SOX5: variants seen among roughly 807,000 people sequenced by gnomAD.
The protein encoded by SOX5 is transcription factor SOX-5.
In SOX5, 9 loss-of-function variants were observed where a neutral mutation model predicts 92.0. The observed-to-expected ratio is 0.10, with a 90% confidence interval of 0.06 to 0.17. The LOEUF (loss-of-function observed/expected upper bound fraction) is 0.17, where lower values mean the gene tolerates loss of function less well. SOX5 is among the 10% of genes least tolerant of loss of function. SOX5 has a pLI of 1.00. For synonymous variants in SOX5, 344 were observed against 336.3 expected (o/e 1.02, Z -0.25); for missense variants, 642 against 944.5 (o/e 0.68, Z 4.20).
At chr12:23,656,547 A>C (rs1265369308) in intron 7 of SOX5, among the ~76,000 whole-genome samples, 1 of 152,084 alleles carries the variant, frequency 6.6e-6, no homozygotes, top group Admixed American at 6.6e-5. Flanking sequence ...ATCCATCATA[A>C]GGAAATATAG....
intron 2 of SOX5, among the ~76,000 whole-genome samples, chr12:24,321,003 A>G (rs1595552144): frequency 6.6e-6 from 1 of 152,196 alleles, no homozygotes; most frequent in African/African-American, 2.4e-5. Context: ...ATAGAGTAGC[A>G]TCTGTAGGTT....
At chr12:24,046,762 C>T (rs193171414) in intron 4 of SOX5, among the ~76,000 whole-genome samples, 11 of 149,070 alleles carry the variant, frequency 7.4e-5, no homozygotes, top group African/African-American at 2.7e-4. Context: ...TCACTGCAAC[C>T]GCTGCCTCCT....
chr12:24,506,775 C>T (rs1249482414), intron 1 of SOX5, among the ~76,000 whole-genome samples: 1 of 129,620 alleles, frequency 7.7e-6, no homozygotes, highest in Non-Finnish European at 1.7e-5. Context: ...TTCATGGTAT[C>T]CAAATGGTCT....
upstream of SOX5, among the ~76,000 whole-genome samples, chr12:23,953,050 T>C (rs2139894257): frequency 6.6e-6 from 1 of 152,292 alleles, no homozygotes; most frequent in South Asian, 2.1e-4. Flanking sequence ...AAAGCTGTCA[T>C]TAAGCTAATA....
At position 24,055,822 on chromosome 12, in the gene SOX5, T is replaced by G. The variant is rs530868665; in HGVS notation, c.-2+157521A>C. ...ATGACACCTAGGAGTTACCATGGTT[T>G]ATTTAACAGAGTGAAAGGTAAAACC... On this transcript the variant is annotated intron_variant, in intron 4 of 4. Transcript: ENST00000446891. 2.0e-5 allele frequency among the ~76,000 whole-genome samples: 3 copies of G among 152,352 alleles called. No individual in the cohort carries two copies. In the South Asian group the frequency reaches 6.2e-4, roughly 32 times the overall value.
intron 1 of SOX5, among the ~76,000 whole-genome samples, chr12:24,423,598 A>G (rs1380548051): frequency 6.6e-6 from 1 of 152,250 alleles, no homozygotes; most frequent in Non-Finnish European, 1.5e-5. Context: ...CAGGAAATAT[A>G]ATCGTCTTTT....
intron 2 of SOX5, among the ~76,000 whole-genome samples, chr12:23,869,084 T>G (rs76354801): frequency 0.019 from 2,903 of 152,280 alleles, 91 homozygotes; most frequent in African/African-American, 0.065. Flanking sequence ...ATGGAAATAA[T>G]GATAGCTTTG....
At chr12:23,873,889 T>TA (rs964624585) in intron 2 of SOX5, among the ~76,000 whole-genome samples, 3 of 152,286 alleles carry the variant, frequency 2.0e-5, no homozygotes, top group African/African-American at 7.2e-5. Context: ...TCTTTTCAGA[T>TA]AAAAAATTTT....
chr12:23,605,388 T>C lies in SOX5; in HGVS notation c.1018-855A>G, dbSNP rs1256931759. Among the ~76,000 whole-genome samples the C allele has an allele frequency of 2.7e-5, 4 of 150,532 alleles. No individual in the cohort carries two copies. In the Admixed American group the frequency reaches 2.7e-4, roughly 10 times the overall value. ...TCTTTTCATTTTCCTTTCACAACTT[T>C]GTTAAAATTTTAAATAACTATGTAA... On this transcript the variant is annotated intron_variant, in intron 8 of 14. Transcript: ENST00000451604.
chr12:23,657,167 C>T (rs1437556401), intron 7 of SOX5, among the ~76,000 whole-genome samples: 1 of 151,784 alleles, frequency 6.6e-6, no homozygotes, highest in East Asian at 1.9e-4. Flanking sequence ...TATCTAAGAC[C>T]ATAAGATGTA....
intron 4 of SOX5, among the ~76,000 whole-genome samples, chr12:24,080,498 AT>A (rs372518618): frequency 6.6e-6 from 1 of 152,022 alleles, no homozygotes; most frequent in South Asian, 2.1e-4. Context: ...GTTGACTTTA[AT>A]TTTTGTGTGC....
chr12:24,472,394 C>T (rs542791089), intron 1 of SOX5, among the ~76,000 whole-genome samples: 52 of 152,324 alleles, frequency 3.4e-4, no homozygotes, highest in African/African-American at 1.2e-3. Flanking sequence ...AGGCCTGATA[C>T]TCCTAATTAG....
intron 1 of SOX5, among the ~76,000 whole-genome samples, chr12:24,451,013 T>C (rs1342662316): frequency 6.6e-6 from 1 of 152,162 alleles, no homozygotes; most frequent in Admixed American, 6.6e-5. Context: ...AGTTTTAATT[T>C]TTAGCCCCCA....
At position 23,970,826 on chromosome 12, in the gene SOX5, T is replaced by TATATATATATATATA. The variant is rs1392995616; in HGVS notation, c.-1-74803_-1-74802insTATATATATATATAT. On this transcript the variant is annotated intron_variant, in intron 4 of 4. Transcript: ENST00000446891. ...TGGAATTGCTAGGTCACATGGGACT[T>TATATATATATATATA]TATATATATATATAATTTTTTTTTT... Among the ~76,000 whole-genome samples the TATATATATATATATA allele has an allele frequency of 1.2e-4, 3 of 25,780 alleles. 1 individual carries two copies. The highest frequency in any genetic ancestry group is 2.3e-4 in the Non-Finnish European group (3 of 13,068). 16.9% of individuals were successfully genotyped at this position (25,780 alleles called of 152,430 possible).
At chr12:24,214,481 A>G (rs1171884566) in intron 3 of SOX5, among the ~76,000 whole-genome samples, 3 of 152,036 alleles carry the variant, frequency 2.0e-5, no homozygotes, top group Non-Finnish European at 2.9e-5. Context: ...AATATTTTTT[A>G]TATGGGGAAG....
At chr12:24,068,574 G>A (rs1227474334) in intron 4 of SOX5, among the ~76,000 whole-genome samples, 1 of 151,372 alleles carries the variant, frequency 6.6e-6, no homozygotes, top group Non-Finnish European at 1.5e-5. Flanking sequence ...CTGCCCAGCT[G>A]CAGAATGGAA....
chr12:24,185,305 A>G (rs529747019), intron 4 of SOX5, among the ~76,000 whole-genome samples: 1 of 152,094 alleles, frequency 6.6e-6, no homozygotes, highest in Non-Finnish European at 1.5e-5. Flanking sequence ...AACATGGCCT[A>G]TAGGATTCTG....
chr12:24,390,616 C>G (rs1958899906), intron 1 of SOX5, among the ~76,000 whole-genome samples: 1 of 152,084 alleles, frequency 6.6e-6, no homozygotes, highest in Non-Finnish European at 1.5e-5. Flanking sequence ...ATTCCCCTCT[C>G]TATGTCCATG....
At chr12:23,951,355 C>T (rs1569230302), upstream of SOX5, among the ~76,000 whole-genome samples, 1 of 151,934 alleles carries the variant, frequency 6.6e-6, no homozygotes, top group South Asian at 2.1e-4. Flanking sequence ...CCAACTTCCC[C>T]TCCCAATTCC....
Sources: gnomAD v4.1 joint callset for allele counts (sites outside exome capture counted in the v4.1 genomes callset) on GRCh38, gnomAD v4.1.1 for gene constraint, MANE v1.5 for transcripts, NCBI Gene and HGNC (gene_info 2026-07-23, HGNC 2026-07-21) for gene names.